ARID3A: variants seen among roughly 807,000 people sequenced by gnomAD.
The protein encoded by ARID3A is AT-rich interactive domain-containing protein 3A.
A neutral mutation model predicts 52.7 loss-of-function variants in ARID3A; 11 were observed. The observed-to-expected ratio is 0.21, with a 90% CI of 0.13 to 0.35. The LOEUF (loss-of-function observed/expected upper bound fraction) is 0.35, where lower values mean the gene tolerates loss of function less well. Among genes scored for constraint, ARID3A ranks in the 10% least tolerant of loss-of-function variants. The probability of loss-of-function intolerance (pLI) is 1.00; values close to 1 mark genes in which losing one functional copy is unlikely to be tolerated. For missense variants in ARID3A, 721 were observed against 838.5 expected, an observed-to-expected ratio of 0.86 and a Z score of 1.73; for synonymous variants, 404 against 359.4, an observed-to-expected ratio of 1.12 and a Z score of -1.40.
intron 3 of ARID3A, among the ~76,000 whole-genome samples, chr19:950,865 C>T (rs1313897796): frequency 1.3e-5 from 2 of 152,044 alleles, no homozygotes; most frequent in Admixed American, 6.6e-5. Flanking sequence ...TCTTGTTTCC[C>T]AGGCTGGAGT....
intron 8 of ARID3A, among the ~76,000 whole-genome samples, chr19:971,620 A>C (rs768119968): frequency 2.0e-5 from 3 of 152,088 alleles, no homozygotes; most frequent in Non-Finnish European, 4.4e-5. Flanking sequence ...TCTCAAAAAA[A>C]AACAAAAAAA....
intron 3 of ARID3A, among the ~76,000 whole-genome samples, chr19:937,161 G>A (rs2037453574): frequency 6.6e-6 from 1 of 151,452 alleles, no homozygotes; most frequent in African/African-American, 2.4e-5. Flanking sequence ...CCAGCACTCG[G>A]GAGGTTGAGA....
At chr19:934,929 G>C (rs1381910614) in intron 3 of ARID3A, among the ~76,000 whole-genome samples, 1 of 152,174 alleles carries the variant, frequency 6.6e-6, no homozygotes, top group Admixed American at 6.5e-5. Flanking sequence ...CTTATCCTGG[G>C]CTGTTCGTGG....
intron 1 of ARID3A, among the ~76,000 whole-genome samples, chr19:927,720 G>T (rs1328206146): frequency 6.6e-6 from 1 of 152,138 alleles, no homozygotes; most frequent in East Asian, 1.9e-4. Flanking sequence ...TCCAGCCTGG[G>T]GATGGGGGGC....
intron 3 of ARID3A, among the ~76,000 whole-genome samples, chr19:934,091 C>T (rs2037390651): frequency 6.6e-6 from 1 of 152,176 alleles, no homozygotes; most frequent in African/African-American, 2.4e-5. Context: ...TTAACATTCA[C>T]CCAATATTCG....
At position 929,519 on chromosome 19, in the gene ARID3A, C is replaced by T. The variant is rs957263063; in HGVS notation, c.-10C>T. The T allele has an allele frequency of 2.2e-5, 31 of 1,425,632 alleles. No homozygotes were observed. Among genetic ancestry groups the T allele is most frequent in the Middle Eastern group, 5.2e-4 (2 of 3,878 alleles). The allele number at this position is 1,425,632 out of a possible 1,614,324, so 88.3% of individuals were successfully genotyped here. ...GTGGTGGTGGTGGTGGTGGCCCGGGCCGCAGGGCCATGAAACTACAGGCCG... is the reference window on the plus strand; with the variant it reads ...GTGGTGGTGGTGGTGGTGGCCCGGGTCGCAGGGCCATGAAACTACAGGCCG... On this transcript the variant is annotated 5_prime_UTR_variant, in exon 2 of 9. Coordinates refer to ENST00000263620, the MANE Select transcript of ARID3A (RefSeq NM_005224.3). The surrounding 1 kb of genome is among the most constrained non-coding windows in gnomAD (Gnocchi z 6.2).
chr19:944,564 C>T lies in ARID3A; in HGVS notation c.693+11822C>T, dbSNP rs1306041729. Among the ~76,000 whole-genome samples, 3 of 152,116 alleles carry T rather than the reference C, an allele frequency of 2.0e-5. No individual in the cohort carries two copies. The highest frequency in any genetic ancestry group is 4.8e-5 in the African/African-American group (2 of 41,420). ...CAAGTGAGCGTCCCCCACCCAGGAC[C>T]CCCGACCCCGGCCCTGGGAGGGCCC... is the stretch of plus-strand genomic sequence containing the variant. On this transcript the variant is annotated intron_variant, in intron 3 of 8. Coordinates refer to ENST00000263620, the MANE Select transcript of ARID3A (RefSeq NM_005224.3). The surrounding 1 kb of genome is among the most constrained non-coding windows in gnomAD (Gnocchi z 5.9).
intron 1 of ARID3A, among the ~76,000 whole-genome samples, chr19:927,729 G>A (rs2037231280): frequency 6.6e-6 from 1 of 152,070 alleles, no homozygotes; most frequent in South Asian, 2.1e-4. Context: ...GGGATGGGGG[G>A]CTGGGTGCCG....
intron 3 of ARID3A, among the ~76,000 whole-genome samples, chr19:933,850 G>GT (rs1555726123): frequency 2.7e-5 from 4 of 148,194 alleles, no homozygotes; most frequent in Non-Finnish European, 4.5e-5. Flanking sequence ...ACTCGGTGGG[G>GT]GGGGGGGGCG....
rs2038018642 is a variant in ARID3A, at chr19:960,517, CTG to C, written c.766+357_766+358del. Reference sequence around the variant, plus strand: ...GGTAATGGGGGAGTGGAACCAGCCTCTGTGTTTAGGGAGTGGGGTCAGATTCG... The same window carrying C: ...GGTAATGGGGGAGTGGAACCAGCCTCTGTTTAGGGAGTGGGGTCAGATTCG... On this transcript the variant is annotated intron_variant, in intron 4 of 8. Coordinates refer to ENST00000263620, the MANE Select transcript of ARID3A (RefSeq NM_005224.3). This position sits in a 1 kb window ranked among gnomAD's most constrained non-coding sequence, Gnocchi z 4.3. Among the ~76,000 whole-genome samples the C allele has an allele frequency of 6.6e-6, 1 of 152,080 alleles. No individual in the cohort carries two copies. The highest frequency in any genetic ancestry group is 2.4e-5 in the African/African-American group (1 of 41,416).
rs753131507 is a variant in ARID3A, at chr19:971,933, AGGC to A, written c.1666_1668del (p.Gly556del). 32 of 1,582,870 alleles carry A rather than the reference AGGC, an allele frequency of 2.0e-5. No individual in the cohort carries two copies. The highest frequency in any genetic ancestry group is 1.6e-4 in the East Asian group (7 of 42,752). On this transcript the variant is annotated inframe_deletion, in exon 9 of 9. Coordinates refer to ENST00000263620, the MANE Select transcript of ARID3A (RefSeq NM_005224.3). ...CGCCAACCTCTGCTCCCAACAAAGG[AGGC>A]GGCGGCGGCGGCGGCAGCAGCAGCA... is the stretch of plus-strand genomic sequence containing the variant.
chr19:970,110 C>G (rs1024025601), intron 8 of ARID3A, among the ~76,000 whole-genome samples: 7 of 151,820 alleles, frequency 4.6e-5, no homozygotes, highest in African/African-American at 1.7e-4. Flanking sequence ...GTCAGGAGTT[C>G]AAGACCAGCC....
chr19:938,684 C>T lies in ARID3A; in HGVS notation c.693+5942C>T, dbSNP rs372901421. 2.3e-4 allele frequency among the ~76,000 whole-genome samples: 35 copies of T among 152,112 alleles called. 1 individual carries two copies. In the East Asian group the frequency reaches 6.2e-3, roughly 27 times the overall value. On this transcript the variant is annotated intron_variant, in intron 3 of 8. Coordinates refer to ENST00000263620, the MANE Select transcript of ARID3A (RefSeq NM_005224.3). The surrounding 1 kb of genome is among the most constrained non-coding windows in gnomAD (Gnocchi z 4.0). ...CAGGCCTCCGGGCCTGACAGCTGGGCGTGTGTGGGCACTGGGGCAGGGACG... is the reference window on the plus strand; with the variant it reads ...CAGGCCTCCGGGCCTGACAGCTGGGTGTGTGTGGGCACTGGGGCAGGGACG...
Position 966,589 on chromosome 19 carries a change from C to A in ARID3A, c.1216C>A (p.Pro406Thr), listed in dbSNP as rs375227599. 6.4e-7 allele frequency: 1 copy of A among 1,564,342 alleles called. No individual in the cohort carries two copies. The highest frequency in any genetic ancestry group is 1.8e-5 in the Admixed American group (1 of 54,458). ...KIKKEEDSAIPITVPGRLPVS... is the reference protein window; with the variant it reads ...KIKKEEDSAITITVPGRLPVS... ...CTACCTAGAGGAGGACTCAGCCATC[C>A]CCATCACAGTCCCTGGCCGCCTGCC... Residue 406 changes from proline to threonine, a missense_variant, in exon 7 of 9, where the codon CCC becomes ACC. Around this residue, in one of 5 missense-constraint regions of ARID3A, gnomAD observed 297 missense variants for 343.2 expected, o/e 0.87. Transcript: ENST00000263620.
chr19:954,504 G>A (rs1402290296), intron 3 of ARID3A, among the ~76,000 whole-genome samples: 2 of 152,250 alleles, frequency 1.3e-5, no homozygotes, highest in South Asian at 2.1e-4. Flanking sequence ...CTGTGTGCCC[G>A]ATTTTGGATG....
intron 8 of ARID3A, 106 bp downstream of exon 8, chr19:968,609 G>C: frequency 2.0e-6 from 2 of 987,212 alleles, no homozygotes; most frequent in South Asian, 2.8e-5. Context: ...CTAGGTGTGC[G>C]GGCGAGCAGG....
chr19:970,343 T>G (rs1407805988), intron 8 of ARID3A, among the ~76,000 whole-genome samples: 1 of 151,776 alleles, frequency 6.6e-6, no homozygotes, highest in African/African-American at 2.4e-5. Context: ...ATTAAAAAAT[T>G]TAATTAAAAA....
intron 8 of ARID3A, among the ~76,000 whole-genome samples, chr19:971,518 A>G (rs1599432481): frequency 6.6e-6 from 1 of 152,106 alleles, no homozygotes; most frequent in East Asian, 1.9e-4. Context: ...GGAGGGTGAG[A>G]CAGGAAAACT....
intron 3 of ARID3A, among the ~76,000 whole-genome samples, chr19:934,747 G>C (rs556337867): frequency 3.9e-5 from 6 of 152,168 alleles, no homozygotes; most frequent in East Asian, 3.9e-4. Flanking sequence ...CAGCGGGGGT[G>C]GGGGGAGGCC....
Sources: allele counts gnomAD v4.1 joint callset (sites outside exome capture counted in the v4.1 genomes callset), GRCh38; gene constraint gnomAD v4.1.1; regional missense constraint gnomAD v4.1.1; non-coding constraint Gnocchi (gnomAD v3.1); transcripts MANE v1.5; gene names NCBI Gene and HGNC (gene_info 2026-07-23, HGNC 2026-07-21).